DGKB: variants seen among roughly 807,000 people sequenced by gnomAD.
DGKB encodes diacylglycerol kinase beta, also known as 90 kDa diacylglycerol kinase.
A neutral mutation model predicts 114.3 loss-of-function variants in DGKB; 67 were observed. That is an observed-to-expected ratio of 0.59 (90% CI 0.48 to 0.72). DGKB has a LOEUF of 0.72. Among genes scored for constraint, DGKB ranks in the 30% least tolerant of loss-of-function variants. The probability of loss-of-function intolerance (pLI) is 0.00; values close to 1 mark genes in which losing one functional copy is unlikely to be tolerated. For synonymous variants in DGKB, 398 were observed against 323.1 expected (o/e 1.23, Z -2.49); for missense variants, 907 against 975.2 (o/e 0.93, Z 0.93).
At chr7:14,832,122 T>C (rs568513926) in intron 2 of DGKB, among the ~76,000 whole-genome samples, 1 of 152,228 alleles carries the variant, frequency 6.6e-6, no homozygotes, top group African/African-American at 2.4e-5. Flanking sequence ...ATAACGACCT[T>C]TGAAATAGTC....
chr7:14,607,311 T>C, intron 17 of DGKB, 123 bp downstream of exon 17: 1 of 594,460 alleles, frequency 1.7e-6, no homozygotes, highest in South Asian at 2.0e-5. Flanking sequence ...TAGTTGATAT[T>C]TCATTTTTAT....
At chr7:14,780,296 T>C (rs1009040102) in intron 2 of DGKB, among the ~76,000 whole-genome samples, 1 of 152,232 alleles carries the variant, frequency 6.6e-6, no homozygotes, top group Non-Finnish European at 1.5e-5. Context: ...AATGTCTTTG[T>C]TCTTTAAATC....
intron 2 of DGKB, among the ~76,000 whole-genome samples, chr7:14,815,721 C>T (rs1395920583): frequency 1.3e-5 from 2 of 152,206 alleles, no homozygotes; most frequent in East Asian, 1.9e-4. Flanking sequence ...ACCCACCAAG[C>T]GGGTTCAGAA....
At chr7:14,428,096 A>C (rs1827858392) in intron 21 of DGKB, among the ~76,000 whole-genome samples, 1 of 152,112 alleles carries the variant, frequency 6.6e-6, no homozygotes, top group African/African-American at 2.4e-5. Context: ...TCTGGCAATC[A>C]GAAATAATAG....
chr7:14,823,862 T>C lies in DGKB; in HGVS notation c.70+17332A>G, dbSNP rs11976074. Among the ~76,000 whole-genome samples, 289 of 152,290 alleles carry C rather than the reference T, an allele frequency of 1.9e-3. 2 individuals are homozygous for C. The highest frequency in any genetic ancestry group is 0.018 in the East Asian group (93 of 5,178). On this transcript the variant is annotated intron_variant, in intron 2 of 25. Coordinates refer to ENST00000402815, the MANE Select transcript of DGKB (RefSeq NM_001350709.2). ...TATATTAACATGACCTGTATCACCA[T>C]TGACTTTTCTTTTAGCTCTATGTAT...
chr7:14,757,695 A>G lies in DGKB; in HGVS notation c.107T>C (p.Phe36Ser). 6.2e-7 allele frequency: 1 copy of G among 1,606,584 alleles called. No homozygotes were observed. The highest frequency in any genetic ancestry group is 8.5e-7 in the Non-Finnish European group (1 of 1,174,874). Reference protein sequence around the residue: ...TKKLKDVLEEFHGNGVLAKYN... With the variant: ...TKKLKDVLEESHGNGVLAKYN... ...CTTTGCAAGCACACCATTACCATGGAATTCTTCAAGAACATCCTTTAATTT... is the reference window on the plus strand; with the variant it reads ...CTTTGCAAGCACACCATTACCATGGGATTCTTCAAGAACATCCTTTAATTT... Residue 36 changes from phenylalanine to serine, a missense_variant, in exon 3 of 26, where the codon TTC becomes TCC. This residue lies in a region of DGKB where 814 missense variants were observed against 856.6 expected (regional missense o/e 0.95). Transcript: ENST00000402815.
chr7:14,893,401 C>T (rs73680371), intron 1 of DGKB, among the ~76,000 whole-genome samples: 244 of 151,494 alleles, frequency 1.6e-3, no homozygotes, highest in African/African-American at 5.3e-3. Context: ...CTGTTTTCTT[C>T]CTCTATAACA....
At position 14,369,025 on chromosome 7, in the gene DGKB, A is replaced by AC. The variant is rs1326441369; in HGVS notation, c.1836-23635dup. Reference sequence around the variant, plus strand: ...CCATGGTGGTTTGCTGCACTCATCAACCCCCCATCTACATTTGGTATTTCT... The same window carrying AC: ...CCATGGTGGTTTGCTGCACTCATCAACCCCCCCATCTACATTTGGTATTTCT... On this transcript the variant is annotated intron_variant, in intron 21 of 25. Transcript: ENST00000402815. Among the ~76,000 whole-genome samples the AC allele has an allele frequency of 8.6e-5, 13 of 151,706 alleles. 1 individual carries two copies. Among genetic ancestry groups the AC allele is most frequent in the South Asian group, 8.3e-4 (4 of 4,792 alleles).
At chr7:14,797,017 A>T (rs532261011) in intron 2 of DGKB, among the ~76,000 whole-genome samples, 1 of 152,244 alleles carries the variant, frequency 6.6e-6, no homozygotes, top group African/African-American at 2.4e-5. Context: ...GAAAACCCTC[A>T]GTCTTTTAAG....
chr7:14,224,230 C>G (rs545270217), intron 23 of DGKB, among the ~76,000 whole-genome samples: 1 of 151,904 alleles, frequency 6.6e-6, no homozygotes, highest in Admixed American at 6.6e-5. Context: ...ATTATATAAT[C>G]TTTACTGATC....
At chr7:14,188,733 T>C (rs1783856793) in intron 23 of DGKB, among the ~76,000 whole-genome samples, 1 of 148,596 alleles carries the variant, frequency 6.7e-6, no homozygotes, top group Non-Finnish European at 1.5e-5. Context: ...AGGCATATTA[T>C]AATCAAACCG....
chr7:14,477,968 A>G (rs909075511), intron 21 of DGKB, among the ~76,000 whole-genome samples, 193 bp downstream of exon 21: 5 of 152,052 alleles, frequency 3.3e-5, no homozygotes, highest in Non-Finnish European at 5.9e-5. Flanking sequence ...ATTCCTCATT[A>G]TAGTTTCATC....
chr7:14,409,185 G>GT (rs766502979), intron 21 of DGKB, among the ~76,000 whole-genome samples: 40 of 152,036 alleles, frequency 2.6e-4, no homozygotes, highest in Non-Finnish European at 5.1e-4. Flanking sequence ...CTCAAGTGTT[G>GT]TGAGTATCTG....
intron 20 of DGKB, among the ~76,000 whole-genome samples, chr7:14,493,024 C>A (rs562390844): frequency 6.6e-6 from 1 of 152,112 alleles, no homozygotes; most frequent in East Asian, 1.9e-4. Context: ...CTTTCAGAGG[C>A]ATATTTGCCT....
At chr7:14,613,002 G>C (rs562549365) in intron 16 of DGKB, among the ~76,000 whole-genome samples, 31 of 152,154 alleles carry the variant, frequency 2.0e-4, no homozygotes, top group South Asian at 1.0e-3. Context: ...ACTGAATTAT[G>C]ATTTATGTGG....
At chr7:14,959,579 CA>C (rs1786722223) in intron 1 of DGKB, among the ~76,000 whole-genome samples, 1 of 151,932 alleles carries the variant, frequency 6.6e-6, no homozygotes, top group Non-Finnish European at 1.5e-5. Context: ...CACCAAATTA[CA>C]TATTGCCATG....
chr7:14,567,837 C>T (rs1314849363), intron 20 of DGKB, among the ~76,000 whole-genome samples: 3 of 151,736 alleles, frequency 2.0e-5, no homozygotes. Flanking sequence ...GAACTCCTGA[C>T]TTCAGGTGAT....
At chr7:14,472,180 G>A (rs575046122) in intron 21 of DGKB, among the ~76,000 whole-genome samples, 54 of 152,238 alleles carry the variant, frequency 3.5e-4, no homozygotes, top group Middle Eastern at 3.4e-3. Context: ...CACCTGATAC[G>A]GTTTGGCTGT....
intron 6 of DGKB, among the ~76,000 whole-genome samples, chr7:14,712,600 G>A (rs1047786257): frequency 6.6e-6 from 1 of 152,048 alleles, no homozygotes; most frequent in African/African-American, 2.4e-5. Context: ...GAACCCAGGA[G>A]GCAGAGGTTG....
Sources: allele counts gnomAD v4.1 joint callset (sites outside exome capture counted in the v4.1 genomes callset), GRCh38; gene constraint gnomAD v4.1.1; regional missense constraint gnomAD v4.1.1; transcripts MANE v1.5; gene names NCBI Gene and HGNC (gene_info 2026-07-23, HGNC 2026-07-21).